Variants in EPS8 observed in about 807,000 individuals in gnomAD.
EPS8 encodes EGFR pathway substrate 8, signaling adaptor, also known as epidermal growth factor receptor kinase substrate 8.
In EPS8, 42 loss-of-function variants were observed where a neutral mutation model predicts 103.8. The observed-to-expected ratio is 0.40, with a 90% CI of 0.32 to 0.52. The LOEUF (loss-of-function observed/expected upper bound fraction) is 0.52. EPS8 is among the 20% of genes least tolerant of loss of function. EPS8 has a pLI of 0.40. For synonymous variants in EPS8, 344 were observed against 344.6 expected (o/e 1.00, Z 0.02); for missense variants, 969 against 1,005.1 (o/e 0.96, Z 0.49).
Position 15,631,487 on chromosome 12 carries a change from T to G in EPS8, c.1999A>C (p.Ser667Arg). Residue 667 changes from serine to arginine, a missense_variant, in exon 18 of 21, where the codon AGT becomes CGT. Coordinates refer to ENST00000281172, the MANE Select transcript of EPS8 (RefSeq NM_004447.6). ...QNSSSSDSGG[S>R]IVRDSQRHKQ... Reference sequence around the variant, plus strand: ...TGTCTCTGGCTGTCTCGCACGATACTGCCACCACTGTCACTGGAGCTGCTG... The same window carrying G: ...TGTCTCTGGCTGTCTCGCACGATACGGCCACCACTGTCACTGGAGCTGCTG... 8 of 1,614,064 alleles carry G rather than the reference T, an allele frequency of 5.0e-6. No individual in the cohort carries two copies. The highest frequency in any genetic ancestry group is 6.8e-6 in the Non-Finnish European group (8 of 1,179,954).
chr12:15,746,795 C>T (rs923629450), intron 1 of EPS8, among the ~76,000 whole-genome samples: 1 of 152,148 alleles, frequency 6.6e-6, no homozygotes, highest in South Asian at 2.1e-4. Context: ...TCCTGGAATT[C>T]ATGGCCCACC....
chr12:15,660,481 CT>C (rs1945586326), intron 10 of EPS8, 132 bp downstream of exon 10: 2 of 662,030 alleles, frequency 3.0e-6, no homozygotes, highest in African/African-American at 1.9e-5. Flanking sequence ...TCAGGCTAGT[CT>C]CGAACTCCTG....
intron 3 of EPS8, among the ~76,000 whole-genome samples, chr12:15,673,472 T>C (rs1051385342): frequency 8.5e-5 from 13 of 152,146 alleles, no homozygotes; most frequent in Non-Finnish European, 1.5e-4. Context: ...CTGGTATAAA[T>C]AGTAATTAGG....
chr12:15,666,577 T>C lies in EPS8; in HGVS notation c.517-55A>G, dbSNP rs1303578707. ...TTATGGATTTTTCTGAGTCTTGATA[T>C]GTAGTTTAAAACAGAAAAAGGGATT... On this transcript the variant is annotated intron_variant, in intron 6 of 20. Coordinates refer to ENST00000281172, the MANE Select transcript of EPS8 (RefSeq NM_004447.6). The C allele has an allele frequency of 7.8e-6, 10 of 1,289,512 alleles. No homozygotes were observed. In the East Asian group the frequency reaches 1.4e-4, roughly 18 times the overall value. The allele number at this position is 1,289,512 out of a possible 1,614,324, so 79.9% of individuals were successfully genotyped here.
intron 1 of EPS8, among the ~76,000 whole-genome samples, chr12:15,770,348 CATT>C (rs1355841701): frequency 6.8e-6 from 1 of 147,206 alleles, no homozygotes; most frequent in East Asian, 2.0e-4. Context: ...GAAAAAATAA[CATT>C]ATTCATACTA....
At chr12:15,686,617 T>C (rs1196680740) in intron 1 of EPS8, among the ~76,000 whole-genome samples, 5 of 152,060 alleles carry the variant, frequency 3.3e-5, no homozygotes, top group Admixed American at 3.3e-4. Flanking sequence ...AGAAAGGAAA[T>C]GGAATATATA....
At chr12:15,667,144 A>G (rs1402568147) in intron 6 of EPS8, among the ~76,000 whole-genome samples, 1 of 152,278 alleles carries the variant, frequency 6.6e-6, no homozygotes, top group East Asian at 1.9e-4. Context: ...TTTGGTTGCA[A>G]AGTTTGTTTA....
Position 15,684,229 on chromosome 12 carries a change from C to T in EPS8, c.-21-1257G>A, listed in dbSNP as rs930422343. On this transcript the variant is annotated intron_variant, in intron 1 of 20. Coordinates refer to ENST00000281172, the MANE Select transcript of EPS8 (RefSeq NM_004447.6). The surrounding 1 kb of genome is among the most constrained non-coding windows in gnomAD (Gnocchi z 4.9). ...AATAATATTCAAGATCTGGTCACTT[C>T]GAGTTAATTCTGTCTCATTCTTCAG... 16 of 152,158 alleles carry T rather than the reference C, an allele frequency of 1.1e-4. No individual in the cohort carries two copies. Among genetic ancestry groups the T allele is most frequent in the African/African-American group, 2.7e-4 (11 of 41,430 alleles). The allele number at this position is 152,158 out of a possible 1,614,324, so 9.4% of individuals were successfully genotyped here.
intron 1 of EPS8, among the ~76,000 whole-genome samples, chr12:15,709,260 T>A (rs1565511625): frequency 6.6e-6 from 1 of 151,994 alleles, no homozygotes; most frequent in Non-Finnish European, 1.5e-5. Flanking sequence ...AAGTAAAATA[T>A]AACACATGTA....
chr12:15,752,651 T>TA lies in EPS8; in HGVS notation c.-22+36509dup, dbSNP rs1387000478. ...CTTTATAATTGTAATAACCAATGGG[T>TA]ATGATTTCCCTTCTCCTGCTCAGGA... On this transcript the variant is annotated intron_variant, in intron 1 of 20. Transcript: ENST00000281172. This position sits in a 1 kb window ranked among gnomAD's most constrained non-coding sequence, Gnocchi z 4.4. Among the ~76,000 whole-genome samples, 9 of 151,932 alleles carry TA rather than the reference T, an allele frequency of 5.9e-5. No homozygotes were observed. The highest frequency in any genetic ancestry group is 2.0e-4 in the Admixed American group (3 of 15,262).
In EPS8 at chr12:15,706,962, T is replaced by A. The variant is rs1055235046; in HGVS notation, c.-21-23990A>T. ...AAACTTTAGGCTTACTTAGCCTCTA[T>A]GAGCCTAGTTTCTTCATTTGTAAAG... On this transcript the variant is annotated intron_variant, in intron 1 of 20. Coordinates refer to ENST00000281172, the MANE Select transcript of EPS8 (RefSeq NM_004447.6). This position sits in a 1 kb window ranked among gnomAD's most constrained non-coding sequence, Gnocchi z 5.2. Among the ~76,000 whole-genome samples, 3 of 152,214 alleles carry A rather than the reference T, an allele frequency of 2.0e-5. No individual in the cohort carries two copies. The highest frequency in any genetic ancestry group is 4.4e-5 in the Non-Finnish European group (3 of 68,034).
intron 17 of EPS8, among the ~76,000 whole-genome samples, chr12:15,637,558 G>A (rs948220855): frequency 8.5e-5 from 13 of 152,362 alleles, no homozygotes; most frequent in Admixed American, 6.5e-4. Context: ...GGCACAGCAT[G>A]AGCACTGGCC....
rs1425208312 is a variant in EPS8, at chr12:15,762,886, C to A, written c.-22+26275G>T. Among the ~76,000 whole-genome samples the A allele has an allele frequency of 6.6e-6, 1 of 152,068 alleles. No homozygotes were observed. The highest frequency in any genetic ancestry group is 1.5e-5 in the Non-Finnish European group (1 of 68,006). On this transcript the variant is annotated intron_variant, in intron 1 of 20. Coordinates refer to ENST00000281172, the MANE Select transcript of EPS8 (RefSeq NM_004447.6). This position sits in a 1 kb window ranked among gnomAD's most constrained non-coding sequence, Gnocchi z 4.8. ...TATAGTCAATAATAATTTAATTGTA[C>A]TATTCTGCATAGTGGTTACAGCTAT... is the stretch of plus-strand genomic sequence containing the variant.
At chr12:15,740,087 C>T (rs1195382067) in intron 1 of EPS8, among the ~76,000 whole-genome samples, 1 of 151,830 alleles carries the variant, frequency 6.6e-6, no homozygotes, top group Non-Finnish European at 1.5e-5. Context: ...AAGAAAAAAT[C>T]GGAGCAGACT....
intron 1 of EPS8, among the ~76,000 whole-genome samples, chr12:15,699,307 C>A (rs1243161206): frequency 6.6e-6 from 1 of 152,112 alleles, no homozygotes; most frequent in East Asian, 1.9e-4. Context: ...AGATGAGCAG[C>A]CCTAAGTGTA....
At chr12:15,708,522 T>C (rs907079013) in intron 1 of EPS8, among the ~76,000 whole-genome samples, 1 of 152,198 alleles carries the variant, frequency 6.6e-6, no homozygotes, top group Admixed American at 6.5e-5. Context: ...ATATGGCTCA[T>C]AACATGTGGC....
rs1281971034 is a variant in EPS8 at position 15,702,879 on chromosome 12, G to T, written c.-21-19907C>A. Among the ~76,000 whole-genome samples, 1 of 152,176 alleles carries T rather than the reference G, an allele frequency of 6.6e-6. No individual in the cohort carries two copies. The highest frequency in any genetic ancestry group is 2.4e-5 in the African/African-American group (1 of 41,456). On this transcript the variant is annotated intron_variant, in intron 1 of 20. Transcript: ENST00000281172. This position sits in a 1 kb window ranked among gnomAD's most constrained non-coding sequence, Gnocchi z 5.1. ...AATAAGTTCATTCGAGGCTGGGCGC[G>T]GTGGCTCAGGCCTTTAATCCCAGCA...
intron 1 of EPS8, among the ~76,000 whole-genome samples, chr12:15,694,160 C>A (rs1020508522): frequency 6.6e-6 from 1 of 151,864 alleles, no homozygotes; most frequent in Non-Finnish European, 1.5e-5. Context: ...AATGAAAAAC[C>A]CAGATGAAAA....
At chr12:15,788,395 G>A (rs1458854463) in intron 1 of EPS8, among the ~76,000 whole-genome samples, 1 of 152,164 alleles carries the variant, frequency 6.6e-6, no homozygotes, top group African/African-American at 2.4e-5. Flanking sequence ...ACAGTACTAC[G>A]GGCCCTATGG....
Sources: allele counts gnomAD v4.1 joint callset (sites outside exome capture counted in the v4.1 genomes callset), GRCh38; gene constraint gnomAD v4.1.1; non-coding constraint Gnocchi (gnomAD v3.1); transcripts MANE v1.5; gene names NCBI Gene and HGNC (gene_info 2026-07-23, HGNC 2026-07-21).